Variants in TMEM94 observed in about 807,000 individuals in gnomAD.
TMEM94 encodes the protein transmembrane protein 94.
In TMEM94, 81 loss-of-function variants were observed where a neutral mutation model predicts 158.6. That is an observed-to-expected ratio of 0.51 (90% CI 0.43 to 0.61). The LOEUF is 0.61. TMEM94 is among the 20% of genes least tolerant of loss of function. TMEM94 has a pLI of 0.00. For synonymous variants in TMEM94, 751 were observed against 730.7 expected, an observed-to-expected ratio of 1.03 and a Z score of -0.45; for missense variants, 1,435 against 1,762.0, an observed-to-expected ratio of 0.81 and a Z score of 3.32.
chr17:75,469,419 A>T (rs890991114), intron 1 of TMEM94, among the ~76,000 whole-genome samples: 1 of 147,494 alleles, frequency 6.8e-6, no homozygotes, highest in Non-Finnish European at 1.5e-5. Context: ...ATCTCAGCTC[A>T]CTGGAACCTC....
intron 2 of TMEM94, among the ~76,000 whole-genome samples, chr17:75,484,136 G>C (rs1160415979): frequency 1.3e-5 from 2 of 152,222 alleles, no homozygotes; most frequent in African/African-American, 4.8e-5. Context: ...ATTCATCCTT[G>C]GTGAGATGGG....
chr17:75,459,235 G>A (rs1311968680), intron 1 of TMEM94, among the ~76,000 whole-genome samples: 1 of 152,180 alleles, frequency 6.6e-6, no homozygotes, highest in Non-Finnish European at 1.5e-5. Context: ...CAGGGAAACT[G>A]GTGGATACTG....
rs919929031 is a variant in TMEM94 at position 75,492,621 on chromosome 17, C to G, written c.1744C>G (p.Leu582Val). 2 of 1,613,992 alleles carry G rather than the reference C, an allele frequency of 1.2e-6. No individual in the cohort carries two copies. Among genetic ancestry groups the G allele is most frequent in the Non-Finnish European group, 8.5e-7 (1 of 1,180,038 alleles). Residue 582 changes from leucine to valine, a missense_variant, in exon 15 of 32, where the codon CTC becomes GTC. By Grantham distance (32) the Leu-to-Val change is conservative (BLOSUM62 1). This residue lies in a region of TMEM94 where 1,051 missense variants were observed against 1,254.4 expected (regional missense o/e 0.84). Coordinates refer to ENST00000314256, the MANE Select transcript of TMEM94 (RefSeq NM_014738.6). The surrounding 1 kb of genome is among the most constrained non-coding windows in gnomAD (Gnocchi z 4.4). ...DSNWQLHLTS[L>V]KPLGLNVLLN... Reference sequence around the variant, plus strand: ...CAACTGGCAGCTGCACCTCACCTCCCTCAAACCCCTGGGCCTCAATGTGCT... The same window carrying G: ...CAACTGGCAGCTGCACCTCACCTCCGTCAAACCCCTGGGCCTCAATGTGCT...
chr17:75,495,060 A>C lies in TMEM94; in HGVS notation c.2728+26A>C. The C allele has an allele frequency of 1.3e-6, 2 of 1,553,106 alleles. No homozygotes were observed. Among genetic ancestry groups the C allele is most frequent in the Non-Finnish European group, 1.8e-6 (2 of 1,128,714 alleles). On this transcript the variant is annotated intron_variant, in intron 20 of 31. Coordinates refer to ENST00000314256, the MANE Select transcript of TMEM94 (RefSeq NM_014738.6). This position sits in a 1 kb window ranked among gnomAD's most constrained non-coding sequence, Gnocchi z 5.6. Reference sequence around the variant, plus strand: ...GTAAGGGCAAAGGCGTGGGGTGGGGACGGGGTGGCGGTGGGAGGATTCCCC... The same window carrying C: ...GTAAGGGCAAAGGCGTGGGGTGGGGCCGGGGTGGCGGTGGGAGGATTCCCC...
At chr17:75,471,530 G>A (rs2050502158) in intron 1 of TMEM94, among the ~76,000 whole-genome samples, 1 of 152,034 alleles carries the variant, frequency 6.6e-6, no homozygotes, top group African/African-American at 2.4e-5. Flanking sequence ...AGACCAGCCT[G>A]GCTAACATGG....
rs573238797 is a variant in TMEM94 at position 75,476,290 on chromosome 17, A to G, written c.24+4361A>G. On this transcript the variant is annotated intron_variant, in intron 2 of 31. Coordinates refer to ENST00000314256, the MANE Select transcript of TMEM94 (RefSeq NM_014738.6). Reference sequence around the variant, plus strand: ...CTCTGTCTGTCCATATCCTGGCTGCATGGTGCCCCTCAGCTAACCCCACTG... The same window carrying G: ...CTCTGTCTGTCCATATCCTGGCTGCGTGGTGCCCCTCAGCTAACCCCACTG... 4.6e-5 allele frequency among the ~76,000 whole-genome samples: 7 copies of G among 152,254 alleles called. No homozygotes were observed. In the South Asian group the frequency reaches 1.2e-3, roughly 27 times the overall value.
In TMEM94 at chr17:75,495,468, G is replaced by C; in HGVS notation, c.2844+69G>C. 6.3e-7 allele frequency: 1 copy of C among 1,589,942 alleles called. No individual in the cohort carries two copies. The highest frequency in any genetic ancestry group is 8.6e-7 in the Non-Finnish European group (1 of 1,159,120). On this transcript the variant is annotated intron_variant, in intron 21 of 31. Coordinates refer to ENST00000314256, the MANE Select transcript of TMEM94 (RefSeq NM_014738.6). The surrounding 1 kb of genome is among the most constrained non-coding windows in gnomAD (Gnocchi z 5.6). ...ATAGCTGGTCCAGGGGAGAGGTAGA[G>C]AGGTGGTGGGCAGGCGGTGGAGGGG...
chr17:75,489,891 C>T lies in TMEM94; in HGVS notation c.954+229C>T, dbSNP rs746422517. On this transcript the variant is annotated intron_variant, in intron 9 of 31. Coordinates refer to ENST00000314256, the MANE Select transcript of TMEM94 (RefSeq NM_014738.6). This position sits in a 1 kb window ranked among gnomAD's most constrained non-coding sequence, Gnocchi z 5.0. ...GTCAAGAGATCGAGACCATCCTGGC[C>T]AATATGGTGAAACCCCGTCTCTACT... The T allele has an allele frequency of 3.2e-5, 19 of 587,466 alleles. No homozygotes were observed. The highest frequency in any genetic ancestry group is 5.6e-5 in the African/African-American group (3 of 53,566). 36.4% of individuals were successfully genotyped at this position (587,466 alleles called of 1,614,324 possible).
Position 75,498,339 on chromosome 17 carries a change from A to C in TMEM94, c.3638+16A>C, listed in dbSNP as rs1360279052. On this transcript the variant is annotated intron_variant, in intron 28 of 31. Coordinates refer to ENST00000314256, the MANE Select transcript of TMEM94 (RefSeq NM_014738.6). This position sits in a 1 kb window ranked among gnomAD's most constrained non-coding sequence, Gnocchi z 6.7. Reference sequence around the variant, plus strand: ...TGCTGCCCAGGTGGGTCCCAGCCCCAGAGATCCACCCATCGCCTGCCTCGC... The same window carrying C: ...TGCTGCCCAGGTGGGTCCCAGCCCCCGAGATCCACCCATCGCCTGCCTCGC... 6.2e-7 allele frequency: 1 copy of C among 1,612,636 alleles called. No individual in the cohort carries two copies. Among genetic ancestry groups the C allele is most frequent in the South Asian group, 1.1e-5 (1 of 91,068 alleles).
At chr17:75,462,485 T>C (rs2050111713) in intron 1 of TMEM94, among the ~76,000 whole-genome samples, 1 of 151,718 alleles carries the variant, frequency 6.6e-6, no homozygotes, top group African/African-American at 2.4e-5. Context: ...CAGCTTCTGC[T>C]TGGTTCCCTC....
chr17:75,499,110 T>C, intron 31 of TMEM94, 28 bp downstream of exon 31: 1 of 1,574,470 alleles, frequency 6.4e-7, no homozygotes, highest in Non-Finnish European at 8.6e-7. Context: ...CGCCTCCCTC[T>C]GGGCTCAGGC....
intron 2 of TMEM94, among the ~76,000 whole-genome samples, chr17:75,484,895 C>T (rs1055954227): frequency 2.0e-5 from 3 of 151,796 alleles, no homozygotes; most frequent in South Asian, 2.1e-4. Context: ...AAAATTAGCC[C>T]GACATGGTGG....
chr17:75,493,418 A>C, intron 16 of TMEM94, 73 bp from the exon 17 acceptor site: 1 of 1,457,138 alleles, frequency 6.9e-7, no homozygotes, highest in Non-Finnish European at 9.6e-7. Flanking sequence ...CTCCAGGAGG[A>C]CAGTGCGTTG....
In TMEM94 at chr17:75,483,271, C is replaced by G. The variant is rs529537224; in HGVS notation, c.25-2157C>G. 1.4e-4 allele frequency among the ~76,000 whole-genome samples: 21 copies of G among 152,142 alleles called. 1 individual carries two copies. In the South Asian group the frequency reaches 3.9e-3, roughly 29 times the overall value. On this transcript the variant is annotated intron_variant, in intron 2 of 31. Transcript: ENST00000314256. The stretch of plus-strand genomic sequence containing the variant: ...AAGGGTAAATAGGTCATTTGACCAA[C>G]CAGGCAGGCCCTGCTCTGGCCAAGG...
rs967588311 is a variant in TMEM94 at position 75,494,961 on chromosome 17, T to C, written c.2655T>C (p.Gly885=). ...GCCACATCTCCCTCACACCCAATGG[T>C]GACATGCCTGGCTCCGAGATCCCCC... The part of the protein sequence containing the change: ...WNCHISLTPN[G]DMPGSEIPPS... Residue 885 remains glycine (G), a synonymous_variant, in exon 20 of 32, where the codon GGT becomes GGC. Transcript: ENST00000314256. 3.1e-6 allele frequency: 5 copies of C among 1,612,784 alleles called. No homozygotes were observed. Among genetic ancestry groups the C allele is most frequent in the Middle Eastern group, 1.6e-4 (1 of 6,084 alleles).
chr17:75,494,756 A>G lies in TMEM94; in HGVS notation c.2537A>G (p.Asn846Ser). The G allele has an allele frequency of 6.2e-7, 1 of 1,613,662 alleles. No individual in the cohort carries two copies. Residue 846 changes from asparagine to serine, a missense_variant, in exon 19 of 32, where the codon AAC becomes AGC. Physicochemically the swap from Asn to Ser is conservative, Grantham distance 46. Transcript: ENST00000314256. ...DIVRLIDGLV[N>S]ACIRFVYFSL... ...GTGCGCCTCATTGATGGGCTTGTCAACGCCTGCATCCGCTTTGTCTACTTC... is the reference window on the plus strand; with the variant it reads ...GTGCGCCTCATTGATGGGCTTGTCAGCGCCTGCATCCGCTTTGTCTACTTC...
Position 75,495,683 on chromosome 17 carries a change from C to T in TMEM94, c.2944+40C>T, listed in dbSNP as rs772791286. On this transcript the variant is annotated intron_variant, in intron 22 of 31. Coordinates refer to ENST00000314256, the MANE Select transcript of TMEM94 (RefSeq NM_014738.6). The surrounding 1 kb of genome is among the most constrained non-coding windows in gnomAD (Gnocchi z 5.6). Reference sequence around the variant, plus strand: ...CATGGGTACTTGGGCAACCTGGTCCCGTCGGCTGAGCTCTGCCTGGGCCTG... The same window carrying T: ...CATGGGTACTTGGGCAACCTGGTCCTGTCGGCTGAGCTCTGCCTGGGCCTG... 16 of 1,591,086 alleles carry T rather than the reference C, an allele frequency of 1.0e-5. No homozygotes were observed. Among genetic ancestry groups the T allele is most frequent in the Admixed American group, 8.4e-5 (5 of 59,770 alleles).
intron 1 of TMEM94, among the ~76,000 whole-genome samples, chr17:75,460,834 T>C (rs1015505825): frequency 1.3e-5 from 2 of 151,996 alleles, no homozygotes; most frequent in African/African-American, 2.4e-5. Flanking sequence ...AAAAAATACA[T>C]AGTATAACAT....
At chr17:75,497,716 C>G (rs2052860449) in intron 26 of TMEM94, 65 bp from the exon 27 acceptor site, 1 of 1,375,916 alleles carries the variant, frequency 7.3e-7, no homozygotes, top group African/African-American at 1.4e-5. Context: ...TAGAGGTTCC[C>G]TCTATGAGAA....
Sources: allele counts gnomAD v4.1 joint callset (sites outside exome capture counted in the v4.1 genomes callset), GRCh38; gene constraint gnomAD v4.1.1; regional missense constraint gnomAD v4.1.1; non-coding constraint Gnocchi (gnomAD v3.1); transcripts MANE v1.5; gene names NCBI Gene and HGNC (gene_info 2026-07-23, HGNC 2026-07-21).